The following CAMK2B variants were observed in gnomAD, a reference collection of about 807,000 sequenced individuals.
CAMK2B encodes the protein calcium/calmodulin dependent protein kinase II beta.
Under a neutral mutation model 93.7 loss-of-function variants are expected in CAMK2B, and 27 were observed. That is an observed-to-expected ratio of 0.29 (90% CI 0.21 to 0.40). The LOEUF is 0.40. CAMK2B is among the 10% of genes least tolerant of loss of function. The pLI is 1.00. For synonymous variants in CAMK2B, 374 were observed against 358.8 expected, an observed-to-expected ratio of 1.04 and a Z score of -0.48; for missense variants, 568 against 895.8, an observed-to-expected ratio of 0.63 and a Z score of 4.67.
intron 9 of CAMK2B, 52 bp downstream of exon 9, chr7:44,242,508 C>A: frequency 6.5e-7 from 1 of 1,537,122 alleles, no homozygotes; most frequent in East Asian, 2.3e-5. Flanking sequence ...CTGCCCTCAC[C>A]CGGCCACACC....
At chr7:44,263,115 C>T in intron 2 of CAMK2B, 51 bp from the exon 3 acceptor site, 1 of 1,574,250 alleles carries the variant, frequency 6.4e-7, no homozygotes, top group South Asian at 1.1e-5. Context: ...CAACTGGTGG[C>T]CCAGGGATCG....
At chr7:44,240,623 G>T in intron 12 of CAMK2B, 84 bp downstream of exon 12, 1 of 1,460,904 alleles carries the variant, frequency 6.8e-7, no homozygotes, top group South Asian at 1.2e-5. Context: ...GAGGAGTGGA[G>T]AGGCTGGTGA....
rs536723802 is a variant in CAMK2B at position 44,291,762 on chromosome 7, T to C, written c.66-7537A>G. Among the ~76,000 whole-genome samples, 33 of 152,328 alleles carry C rather than the reference T, an allele frequency of 2.2e-4. No individual in the cohort carries two copies. In the South Asian group the frequency reaches 3.5e-3, roughly 16 times the overall value. Reference sequence around the variant, plus strand: ...GGTCTCCAACTTCCCTTCTCGAAAATGGCCTGCCATGACTGTTTCAGTCAT... The same window carrying C: ...GGTCTCCAACTTCCCTTCTCGAAAACGGCCTGCCATGACTGTTTCAGTCAT... On this transcript the variant is annotated intron_variant, in intron 1 of 23. Coordinates refer to ENST00000395749, the MANE Select transcript of CAMK2B (RefSeq NM_001220.5).
At chr7:44,308,151 T>C (rs1792437549) in intron 1 of CAMK2B, among the ~76,000 whole-genome samples, 1 of 152,188 alleles carries the variant, frequency 6.6e-6, no homozygotes, top group African/African-American at 2.4e-5. Context: ...TCTTGTTCTG[T>C]TCCCTAACAG....
intron 1 of CAMK2B, among the ~76,000 whole-genome samples, chr7:44,299,623 T>C (rs1191458615): frequency 2.6e-5 from 4 of 152,224 alleles, no homozygotes; most frequent in Non-Finnish European, 5.9e-5. Context: ...AAGTGAACTG[T>C]CTACATTAAT....
At chr7:44,310,633 A>T (rs1793291322) in intron 1 of CAMK2B, among the ~76,000 whole-genome samples, 1 of 152,234 alleles carries the variant, frequency 6.6e-6, no homozygotes, top group Non-Finnish European at 1.5e-5. Context: ...CTTAAAAAGG[A>T]AGGAAATGCT....
In CAMK2B at chr7:44,254,562, G is replaced by A; in HGVS notation, c.321C>T (p.Tyr107=). ...ELFEDIVARE[Y]YSEADASHCI... is the part of the protein sequence containing the mutation. ...CCCACCTGGCATCAGCCTCGCTGTA[G>A]TACTCTCTCGCCACAATGTCTTCAA... Residue 107 remains tyrosine, a synonymous_variant, in exon 5 of 24, where the codon TAC becomes TAT. Transcript: ENST00000395749. The A allele has an allele frequency of 6.2e-7, 1 of 1,612,350 alleles. No individual in the cohort carries two copies. Among genetic ancestry groups the A allele is most frequent in the Non-Finnish European group, 8.5e-7 (1 of 1,179,090 alleles).
Position 44,259,203 on chromosome 7 carries a change from G to C in CAMK2B, c.221-277C>G, listed in dbSNP as rs562384625. The stretch of plus-strand genomic sequence containing the variant: ...TGCCTCACCCTCCGCTGCCAGTCTG[G>C]TCACCTGTCTCCTTCTGCCAGAGAG... On this transcript the variant is annotated intron_variant, in intron 3 of 23. Transcript: ENST00000395749. Among the ~76,000 whole-genome samples the C allele has an allele frequency of 8.5e-5, 13 of 152,310 alleles. No individual in the cohort carries two copies. The East Asian group carries it at 2.1e-3, about 25-fold the overall frequency.
intron 1 of CAMK2B, among the ~76,000 whole-genome samples, chr7:44,300,688 A>C (rs1402629091): frequency 6.6e-6 from 1 of 152,218 alleles, no homozygotes; most frequent in African/African-American, 2.4e-5. Flanking sequence ...ATTGTTGGTG[A>C]CTTCAACACA....
At chr7:44,325,785 C>T (rs1162751913), upstream of CAMK2B, 5 of 149,216 alleles carry the variant, frequency 3.4e-5, no homozygotes, top group Non-Finnish European at 7.4e-5. Flanking sequence ...CACACGCGCC[C>T]TGCACACACA....
rs1408751429 is a variant in CAMK2B, at chr7:44,325,462, G to A, written c.-41C>T. 1.1e-5 allele frequency: 11 copies of A among 1,030,476 alleles called. No homozygotes were observed. The highest frequency in any genetic ancestry group is 1.3e-5 in the Non-Finnish European group (11 of 850,334). 63.8% of individuals were successfully genotyped at this position (1,030,476 alleles called of 1,614,324 possible). ...GCTCGGCGTGCGCTCGGCTGCGCTC[G>A]GGCGGCGGCGACTCCGGCTCCCGCT... On this transcript the variant is annotated 5_prime_UTR_variant, in exon 1 of 24. Coordinates refer to ENST00000395749, the MANE Select transcript of CAMK2B (RefSeq NM_001220.5).
chr7:44,305,069 T>C (rs1791094384), intron 1 of CAMK2B, among the ~76,000 whole-genome samples: 2 of 152,316 alleles, frequency 1.3e-5, no homozygotes, highest in Non-Finnish European at 1.5e-5. Flanking sequence ...CACTGTGACC[T>C]GAGGCCCTGA....
Position 44,286,074 on chromosome 7 carries a change from G to A in CAMK2B, c.66-1849C>T, listed in dbSNP as rs1442768507. ...GGCAAAGACCATGGGCTTTTTGCCT[G>A]GTCTGGCTTCAATCCTGGTTAGACG... is the stretch of plus-strand genomic sequence containing the variant. On this transcript the variant is annotated intron_variant, in intron 1 of 23. Transcript: ENST00000395749. The surrounding 1 kb of genome is among the most constrained non-coding windows in gnomAD (Gnocchi z 4.0). 8.5e-5 allele frequency among the ~76,000 whole-genome samples: 13 copies of A among 152,072 alleles called. No homozygotes were observed. Among genetic ancestry groups the A allele is most frequent in the Non-Finnish European group, 1.5e-5 (1 of 67,992 alleles).
rs1793910787 is a variant in CAMK2B, at chr7:44,312,841, T to C, written c.65+12516A>G. On this transcript the variant is annotated intron_variant, in intron 1 of 23. Coordinates refer to ENST00000395749, the MANE Select transcript of CAMK2B (RefSeq NM_001220.5). This position sits in a 1 kb window ranked among gnomAD's most constrained non-coding sequence, Gnocchi z 4.1. ...TGGCCTCAGGCATGCAGAGGAGTTG[T>C]GAAAAGCATCAAAATCACTGCTTTT... Among the ~76,000 whole-genome samples, 1 of 152,154 alleles carries C rather than the reference T, an allele frequency of 6.6e-6. No homozygotes were observed. The highest frequency in any genetic ancestry group is 6.5e-5 in the Admixed American group (1 of 15,286).
chr7:44,285,402 C>T (rs144106846), intron 1 of CAMK2B, among the ~76,000 whole-genome samples: 3,445 of 152,252 alleles, frequency 0.023, 52 homozygotes, highest in Middle Eastern at 0.065. Flanking sequence ...AACCCGAGCA[C>T]GCAGGGCCCT....
rs1033415460 is a variant in CAMK2B at position 44,292,578 on chromosome 7, G to A, written c.66-8353C>T. Among the ~76,000 whole-genome samples the A allele has an allele frequency of 7.2e-5, 11 of 152,354 alleles. No homozygotes were observed. In the East Asian group the frequency reaches 1.7e-3, roughly 24 times the overall value. ...AGTTTGGGAACCAGTAGGTTAGACA[G>A]TGTTTCCTTCCTTCCTTTCTTTAAC... On this transcript the variant is annotated intron_variant, in intron 1 of 23. Coordinates refer to ENST00000395749, the MANE Select transcript of CAMK2B (RefSeq NM_001220.5).
At chr7:44,291,500 ACACT>A (rs1739748069) in intron 1 of CAMK2B, among the ~76,000 whole-genome samples, 1 of 152,174 alleles carries the variant, frequency 6.6e-6, no homozygotes, top group African/African-American at 2.4e-5. Flanking sequence ...GCAGCTGGAC[ACACT>A]CACTTCTCCT....
rs971268984 is a variant in CAMK2B, at chr7:44,224,095, G to T, written c.1597+2421C>A. ...AAATGGGAGTTGATGGGAAGAGAAA[G>T]CGTGAAGTAAACAGAAGAGGAGATG... On this transcript the variant is annotated intron_variant, in intron 20 of 23. Coordinates refer to ENST00000395749, the MANE Select transcript of CAMK2B (RefSeq NM_001220.5). This position sits in a 1 kb window ranked among gnomAD's most constrained non-coding sequence, Gnocchi z 4.4. Among the ~76,000 whole-genome samples the T allele has an allele frequency of 1.3e-5, 2 of 152,272 alleles. No individual in the cohort carries two copies. Among genetic ancestry groups the T allele is most frequent in the African/African-American group, 4.8e-5 (2 of 41,470 alleles).
At chr7:44,241,877 T>A in intron 10 of CAMK2B, 94 bp from the exon 11 acceptor site, 1 of 942,402 alleles carries the variant, frequency 1.1e-6, no homozygotes, top group Non-Finnish European at 1.7e-6. Context: ...GGTCCCCACT[T>A]GCCAAGAGCC....
Sources: gnomAD v4.1 joint callset for allele counts (sites outside exome capture counted in the v4.1 genomes callset) on GRCh38, gnomAD v4.1.1 for gene constraint, Gnocchi (gnomAD v3.1) non-coding constraint, MANE v1.5 for transcripts, NCBI Gene and HGNC (gene_info 2026-07-23, HGNC 2026-07-21) for gene names.